Variants in MICAL1 observed in about 807,000 individuals in gnomAD.
MICAL1 encodes [F-actin]-monooxygenase MICAL1.
In MICAL1, 95 loss-of-function variants were observed where a neutral mutation model predicts 131.8. The observed-to-expected ratio is 0.72, with a 90% CI of 0.61 to 0.86. The LOEUF is 0.86. Ranked by LOEUF, MICAL1 falls within the 40% of genes least tolerant of loss-of-function variation. MICAL1 has a pLI of 0.00. For missense variants in MICAL1, 1,292 were observed against 1,380.6 expected (o/e 0.94, Z 1.02); for synonymous variants, 546 against 554.2 (o/e 0.99, Z 0.21).
chr6:109,465,104 T>C (rs1238616466), intron 1 of MICAL1: 1 of 152,304 alleles, frequency 6.6e-6, no homozygotes, highest in Non-Finnish European at 1.5e-5. Flanking sequence ...TTAAACTTAA[T>C]TAAAATTTTG....
rs566422792 is a variant in MICAL1 at position 109,446,280 on chromosome 6, G to A, written c.2437C>T (p.Arg813Cys). The change falls in exon 19 of 25, where the codon CGC becomes TGC. Residue 813 changes from arginine to cysteine, a missense_variant. Physicochemically the swap from Arg to Cys is radical, Grantham distance 180. Transcript: ENST00000358807. ...AGGTTAAGGGAGGACAACCGCTGGC[G>A]CTCCGGGCTGGAGAGGCGGATCTGC... is the stretch of plus-strand genomic sequence containing the variant. ...RRQIRLSSPERQRLSSLNLTP... is the reference protein window; with the variant it reads ...RRQIRLSSPECQRLSSLNLTP... The A allele has an allele frequency of 1.9e-5, 30 of 1,613,996 alleles. No homozygotes were observed. The East Asian group carries it at 3.8e-4, about 20-fold the overall frequency.
chr6:109,462,031 T>G (rs1388332715), intron 1 of MICAL1, among the ~76,000 whole-genome samples: 2 of 130,990 alleles, frequency 1.5e-5, no homozygotes, highest in Non-Finnish European at 3.0e-5. Context: ...CTCACTCAGA[T>G]GCCAGTTGTT....
chr6:109,450,980 G>A (rs980252341), intron 7 of MICAL1, among the ~76,000 whole-genome samples: 6 of 151,998 alleles, frequency 3.9e-5, no homozygotes, highest in Non-Finnish European at 5.9e-5. Context: ...AATACATACC[G>A]AGCGCTTACT....
Position 109,452,306 on chromosome 6 carries a change from T to A in MICAL1, c.772A>T (p.Ile258Phe). The change falls in exon 6 of 25, where the codon ATC becomes TTC. Residue 258 changes from isoleucine to phenylalanine, a missense_variant. Ile to Phe is a conservative substitution (Grantham distance 21, BLOSUM62 0). Transcript: ENST00000358807. ...TTGTAGATCCTGGCTACACCACTGA[T>A]CTCCGGCACCTGTGTCTCCTCCACG... ...RTVEETQVPE[I>F]SGVARIYNQS... 4 of 1,614,138 alleles carry A rather than the reference T, an allele frequency of 2.5e-6. No homozygotes were observed. Among genetic ancestry groups the A allele is most frequent in the Non-Finnish European group, 2.5e-6 (3 of 1,180,024 alleles).
In MICAL1 at chr6:109,453,758, G is replaced by A. The variant is rs577273855; in HGVS notation, c.346C>T (p.Arg116Cys). The change falls in exon 3 of 25, where the codon CGC becomes TGC. Residue 116 changes from arginine to cysteine, a missense_variant. By Grantham distance (180) the Arg-to-Cys change is radical. Coordinates refer to ENST00000358807, the MANE Select transcript of MICAL1 (RefSeq NM_022765.4). Reference sequence around the variant, plus strand: ...ACGTTGTGGCGAGAGAACTTGGTGCGCTTTTCCACCAGCACCACTCGGGCC... The same window carrying A: ...ACGTTGTGGCGAGAGAACTTGGTGCACTTTTCCACCAGCACCACTCGGGCC... ...LGARVVLVEK[R>C]TKFSRHNVLH... 13 of 1,613,680 alleles carry A rather than the reference G, an allele frequency of 8.1e-6. No homozygotes were observed. The East Asian group carries it at 8.9e-5, about 11-fold the overall frequency.
chr6:109,448,133 TCACACACACACACA>T lies in MICAL1; in HGVS notation c.1855+56_1855+69del, dbSNP rs3054663. The T allele has an allele frequency of 7.8e-5, 113 of 1,448,972 alleles. 2 individuals are homozygous for T. The South Asian group carries it at 1.3e-3, about 16-fold the overall frequency. The allele number at this position is 1,448,972 out of a possible 1,614,324, so 89.8% of individuals were successfully genotyped here. ...ACACACACACCGCCTTCTCCCTCTGTCACACACACACACACACACACACACACCTCCCCATCCCA... is the reference window on the plus strand; with the variant it reads ...ACACACACACCGCCTTCTCCCTCTGTCACACACACACACCTCCCCATCCCA... On this transcript the variant is annotated intron_variant, in intron 13 of 24. Coordinates refer to ENST00000358807, the MANE Select transcript of MICAL1 (RefSeq NM_022765.4).
chr6:109,456,821 T>A (rs1775764451), upstream of MICAL1, among the ~76,000 whole-genome samples: 1 of 152,020 alleles, frequency 6.6e-6, no homozygotes, highest in African/African-American at 2.4e-5. Context: ...GGAAACTGAG[T>A]CACAGATGTT....
At chr6:109,457,971 CCA>C (rs1313157150), upstream of MICAL1, among the ~76,000 whole-genome samples, 9 of 152,162 alleles carry the variant, frequency 5.9e-5, no homozygotes, top group Non-Finnish European at 1.3e-4. Context: ...ATGTCACCAA[CCA>C]CACTTCGTCT....
At chr6:109,455,778 G>T, upstream of MICAL1, 1 of 942,830 alleles carries the variant, frequency 1.1e-6, no homozygotes, top group Non-Finnish European at 1.3e-6. The surrounding 1 kb of genome is among the most constrained non-coding windows in gnomAD (Gnocchi z 4.7). Context: ...GGTCTGAGCG[G>T]GTGGGAGGGC....
At chr6:109,448,710 G>A in intron 12 of MICAL1, 22 bp downstream of exon 12, 1 of 1,613,240 alleles carries the variant, frequency 6.2e-7, no homozygotes, top group Non-Finnish European at 8.5e-7. Context: ...ATGAGAGAGA[G>A]GTGGGTCTGC....
At chr6:109,465,285 G>T in intron 1 of MICAL1, 1 of 241,238 alleles carries the variant, frequency 4.1e-6, no homozygotes, top group South Asian at 6.9e-5. Context: ...CCACTGTACT[G>T]CATAAAGATA....
rs1307620453 is a variant in MICAL1 at position 109,444,324 on chromosome 6, G to A, written c.3071C>T (p.Ala1024Val). 6.2e-7 allele frequency: 1 copy of A among 1,613,540 alleles called. No homozygotes were observed. The highest frequency in any genetic ancestry group is 1.1e-5 in the South Asian group (1 of 91,086). ...YMNREENLKT[A>V]ADRQAEDQVL... is the part of the protein sequence containing the mutation. ...CTGGTCCTCAGCCTGCCGATCAGCA[G>A]CTGTCTTTAGGTTTTCTAAAAGGAG... The change falls in exon 25 of 25, where the codon GCT becomes GTT. Residue 1024 changes from alanine to valine, a missense_variant. By Grantham distance (64) the Ala-to-Val change is moderately conservative. Coordinates refer to ENST00000358807, the MANE Select transcript of MICAL1 (RefSeq NM_022765.4).
In MICAL1 at chr6:109,444,163, G is replaced by A. The variant is rs547923654; in HGVS notation, c.*28C>T. 4.7e-5 allele frequency: 75 copies of A among 1,602,260 alleles called. No individual in the cohort carries two copies. The highest frequency in any genetic ancestry group is 6.2e-5 in the Non-Finnish European group (73 of 1,175,694). ...GCTGGGGTGAGGTGCTTTCTTTGTG[G>A]GAACGAAAGCAGACGGCCCACCCTC... On this transcript the variant is annotated 3_prime_UTR_variant, in exon 25 of 25. Coordinates refer to ENST00000358807, the MANE Select transcript of MICAL1 (RefSeq NM_022765.4).
intron 3 of MICAL1, 103 bp downstream of exon 3, chr6:109,453,535 C>A: frequency 6.6e-7 from 1 of 1,510,896 alleles, no homozygotes; most frequent in South Asian, 1.3e-5. Flanking sequence ...CTGGCTGATA[C>A]GGATCTTGTC....
chr6:109,454,093 C>T lies in MICAL1; in HGVS notation c.104G>A (p.Gly35Glu). ...DVLSSFQELCGALGLEPGGGL... is the reference protein window; with the variant it reads ...DVLSSFQELCEALGLEPGGGL... Reference sequence around the variant, plus strand: ...CCCACCGGGTTCCAGCCCCAGGGCCCCACACAGCTCCTGGAAGCTGCTCAG... The same window carrying T: ...CCCACCGGGTTCCAGCCCCAGGGCCTCACACAGCTCCTGGAAGCTGCTCAG... The change falls in exon 2 of 25, where the codon GGG (glycine) becomes GAG (glutamate). Residue 35 changes from glycine (G) to glutamate (E), a missense_variant. Physicochemically the swap from Gly to Glu is moderately conservative, Grantham distance 98 (BLOSUM62 -2). Coordinates refer to ENST00000358807, the MANE Select transcript of MICAL1 (RefSeq NM_022765.4). 1 of 1,613,902 alleles carries T rather than the reference C, an allele frequency of 6.2e-7. No individual in the cohort carries two copies. Among genetic ancestry groups the T allele is most frequent in the Non-Finnish European group, 8.5e-7 (1 of 1,179,972 alleles).
chr6:109,455,702 T>C lies in MICAL1; in HGVS notation c.-44+17A>G. The C allele has an allele frequency of 2.0e-6, 2 of 981,646 alleles. No individual in the cohort carries two copies. Among genetic ancestry groups the C allele is most frequent in the Non-Finnish European group, 2.4e-6 (2 of 829,356 alleles). The allele number at this position is 981,646 out of a possible 1,614,324, so 60.8% of individuals were successfully genotyped here. A position where few individuals can be genotyped will look rare whatever the true frequency, so the allele number is the denominator to read the frequency against. The stretch of plus-strand genomic sequence containing the variant: ...CCCGGCCGCGGGGCTCGCAGCCGGC[T>C]CCGCTGGACGACTTACCGGCGGCTC... On this transcript the variant is annotated intron_variant, in intron 1 of 24. Coordinates refer to ENST00000358807, the MANE Select transcript of MICAL1 (RefSeq NM_022765.4). This position sits in a 1 kb window ranked among gnomAD's most constrained non-coding sequence, Gnocchi z 4.7.
intron 1 of MICAL1, chr6:109,465,566 A>G: frequency 7.7e-7 from 1 of 1,292,370 alleles, no homozygotes; most frequent in Non-Finnish European, 1.1e-6. Flanking sequence ...AACTGAGATC[A>G]ATGCCCCCAA....
At chr6:109,452,717 C>G in intron 4 of MICAL1, 102 bp from the exon 5 acceptor site, 1 of 827,632 alleles carries the variant, frequency 1.2e-6, no homozygotes, top group Non-Finnish European at 1.9e-6. Context: ...AAAGGACTCT[C>G]TGGTTTAGAA....
At chr6:109,454,961 A>G (rs1775686960) in intron 1 of MICAL1, 2 of 151,938 alleles carry the variant, frequency 1.3e-5, no homozygotes, top group African/African-American at 4.8e-5. Flanking sequence ...AATGTGCCCT[A>G]CTCCAGGGGG....
Sources: gnomAD v4.1 joint callset for allele counts (sites outside exome capture counted in the v4.1 genomes callset) on GRCh38, gnomAD v4.1.1 for gene constraint, Gnocchi (gnomAD v3.1) non-coding constraint, MANE v1.5 for transcripts, NCBI Gene and HGNC (gene_info 2026-07-23, HGNC 2026-07-21) for gene names.